Variants in FER1L6 observed in about 807,000 individuals in gnomAD.
FER1L6 encodes fer-1 like family member 6.
Under a neutral mutation model 219.2 loss-of-function variants are expected in FER1L6, and 177 were observed. The observed-to-expected ratio is 0.81, with a 90% CI of 0.71 to 0.91. The LOEUF is 0.91. FER1L6 is among the 40% of genes least tolerant of loss of function. The probability of loss-of-function intolerance (pLI) is 0.00; values close to 1 mark genes in which losing one functional copy is unlikely to be tolerated. For missense variants in FER1L6, 2,153 were observed against 2,259.9 expected, an observed-to-expected ratio of 0.95 and a Z score of 0.96; for synonymous variants, 768 against 824.3, an observed-to-expected ratio of 0.93 and a Z score of 1.17.
chr8:124,036,580 TCTA>T, intron 19 of FER1L6, among the ~76,000 whole-genome samples: 1 of 152,330 alleles, frequency 6.6e-6, no homozygotes, highest in East Asian at 1.9e-4. Flanking sequence ...CTGCTTTCTT[TCTA>T]CTGTCTTCCA....
At chr8:123,871,064 T>G (rs974475871) in intron 1 of FER1L6, among the ~76,000 whole-genome samples, 42 of 152,184 alleles carry the variant, frequency 2.8e-4, no homozygotes, top group African/African-American at 8.7e-4. Flanking sequence ...GTAGGAGACA[T>G]TTTCTCACTT....
intron 33 of FER1L6, among the ~76,000 whole-genome samples, chr8:124,089,461 A>G (rs535074332): frequency 6.6e-6 from 1 of 152,348 alleles, no homozygotes; most frequent in Admixed American, 6.5e-5. Context: ...ATATCATGTT[A>G]AAACCAGGTA....
intron 1 of FER1L6, among the ~76,000 whole-genome samples, chr8:123,855,498 G>A (rs1816616478): frequency 6.6e-6 from 1 of 151,710 alleles, no homozygotes; most frequent in Non-Finnish European, 1.5e-5. Flanking sequence ...CTCATCCAGG[G>A]CATTAGTATG....
chr8:123,961,956 G>A lies in FER1L6; in HGVS notation c.77-1322G>A, dbSNP rs116318043. 5.5e-3 allele frequency among the ~76,000 whole-genome samples: 808 copies of A among 147,278 alleles called. 7 individuals carry two copies. Among genetic ancestry groups the A allele is most frequent in the African/African-American group, 0.018 (700 of 39,964 alleles). ...CTAGGCTGGAGGGCAGTGGCACAATGTCGGCTCACTGCAATCTCCACCTAC... is the reference window on the plus strand; with the variant it reads ...CTAGGCTGGAGGGCAGTGGCACAATATCGGCTCACTGCAATCTCCACCTAC... On this transcript the variant is annotated intron_variant, in intron 2 of 40. Coordinates refer to ENST00000522917, the MANE Select transcript of FER1L6 (RefSeq NM_001039112.2).
At chr8:124,095,641 TATCTC>T (rs1423991270) in intron 35 of FER1L6, among the ~76,000 whole-genome samples, 1 of 152,164 alleles carries the variant, frequency 6.6e-6, no homozygotes, top group African/African-American at 2.4e-5. Context: ...TTACGTAAAT[TATCTC>T]AACTATTTAG....
intron 1 of FER1L6, among the ~76,000 whole-genome samples, chr8:123,857,861 A>G (rs145602502): frequency 7.2e-4 from 109 of 152,274 alleles, no homozygotes; most frequent in African/African-American, 2.5e-3. Flanking sequence ...AAACTAATTT[A>G]TATGTTCACG....
At chr8:123,887,453 TCTGGCCCCACCACAG>T (rs1563673976) in intron 1 of FER1L6, among the ~76,000 whole-genome samples, 1 of 152,300 alleles carries the variant, frequency 6.6e-6, no homozygotes, top group East Asian at 1.9e-4. Context: ...TCCATCTCTC[TCTGGCCCCACCACAG>T]CTGGCCCCAA....
At chr8:123,866,761 G>A (rs181004648) in intron 1 of FER1L6, among the ~76,000 whole-genome samples, 136 of 152,032 alleles carry the variant, frequency 8.9e-4, no homozygotes, top group Non-Finnish European at 1.8e-3. Context: ...AGGACCACAG[G>A]TGCCTGTGAC....
intron 38 of FER1L6, 47 bp downstream of exon 38, chr8:124,101,385 T>C: frequency 3.2e-6 from 5 of 1,571,002 alleles, no homozygotes; most frequent in Non-Finnish European, 4.3e-6. Context: ...AAGGGTTTTG[T>C]CTCAGCTTTT....
At chr8:123,921,539 ATTT>A (rs34702833) in intron 1 of FER1L6, among the ~76,000 whole-genome samples, 7,136 of 141,808 alleles carry the variant, frequency 0.05, 528 homozygotes, top group African/African-American at 0.17. Context: ...TAATTTTTGG[ATTT>A]TTTTTTTTTT....
intron 1 of FER1L6, among the ~76,000 whole-genome samples, chr8:123,915,576 T>A (rs1004046345): frequency 1.3e-5 from 2 of 152,154 alleles, no homozygotes; most frequent in African/African-American, 4.8e-5. Flanking sequence ...AATATGGTAT[T>A]TCACTAGGCA....
chr8:123,858,205 G>A (rs1286491939), intron 1 of FER1L6, among the ~76,000 whole-genome samples: 1 of 152,186 alleles, frequency 6.6e-6, no homozygotes, highest in Non-Finnish European at 1.5e-5. Flanking sequence ...GGATGGTGAG[G>A]TGAGGGTCTC....
intron 19 of FER1L6, among the ~76,000 whole-genome samples, chr8:124,039,355 G>A (rs1029088959): frequency 1.3e-5 from 2 of 152,104 alleles, no homozygotes; most frequent in Non-Finnish European, 1.5e-5. Flanking sequence ...GTTTACTGAA[G>A]TGAAAACTAT....
rs570015992 is a variant in FER1L6, at chr8:124,004,173, C to T, written c.1700+826C>T. 6 of 109,550 alleles carry T rather than the reference C, an allele frequency of 5.5e-5. No individual in the cohort carries two copies. The Middle Eastern group carries it at 0.018, about 330-fold the overall frequency. The allele number at this position is 109,550 out of a possible 1,614,324, so 6.8% of individuals were successfully genotyped here. On this transcript the variant is annotated intron_variant, in intron 13 of 40. Transcript: ENST00000522917. ...CACCAGAAAAGATAATTTCAGAAAA[C>T]AGCTGGGGGCACTTACATGTACTCT...
intron 1 of FER1L6, among the ~76,000 whole-genome samples, chr8:123,877,542 T>C (rs899071678): frequency 1.3e-5 from 2 of 152,070 alleles, no homozygotes; most frequent in Non-Finnish European, 2.9e-5. Context: ...CCTTCAGCAG[T>C]GGGCATGAGA....
At chr8:123,900,339 A>C (rs1055207759) in intron 1 of FER1L6, among the ~76,000 whole-genome samples, 1 of 152,084 alleles carries the variant, frequency 6.6e-6, no homozygotes, top group Non-Finnish European at 1.5e-5. Context: ...TTTGTACATT[A>C]ATCTTGTATC....
intron 26 of FER1L6, among the ~76,000 whole-genome samples, chr8:124,066,022 A>G (rs184591717): frequency 6.6e-6 from 1 of 152,342 alleles, no homozygotes; most frequent in Non-Finnish European, 1.5e-5. Flanking sequence ...GAGAATTACA[A>G]CATTTATATT....
chr8:123,971,784 C>G (rs1815829272), intron 6 of FER1L6, among the ~76,000 whole-genome samples: 1 of 152,168 alleles, frequency 6.6e-6, no homozygotes, highest in Non-Finnish European at 1.5e-5. Flanking sequence ...GACAGCCAGC[C>G]TGTAACACAC....
chr8:124,107,841 G>A (rs1207180619), intron 39 of FER1L6, among the ~76,000 whole-genome samples: 1 of 152,138 alleles, frequency 6.6e-6, no homozygotes, highest in Non-Finnish European at 1.5e-5. Flanking sequence ...ACTAAGGCCA[G>A]ATCACCTCTT....
Sources: allele counts gnomAD v4.1 joint callset (sites outside exome capture counted in the v4.1 genomes callset), GRCh38; gene constraint gnomAD v4.1.1; transcripts MANE v1.5; gene names NCBI Gene and HGNC (gene_info 2026-07-23, HGNC 2026-07-21).